Variants in FAM120B observed in about 807,000 individuals in gnomAD.
FAM120B encodes the protein family with sequence similarity 120 member B, also known as constitutive coactivator of peroxisome proliferator-activated receptor gamma.
A neutral mutation model predicts 96.3 loss-of-function variants in FAM120B; 83 were observed. The observed-to-expected ratio is 0.86, with a 90% CI of 0.72 to 1.03. The LOEUF (loss-of-function observed/expected upper bound fraction) is 1.03. Ranked by LOEUF, FAM120B falls within the 50% of genes least tolerant of loss-of-function variation. The probability of loss-of-function intolerance (pLI) is 0.00; values close to 1 mark genes in which losing one functional copy is unlikely to be tolerated. For synonymous variants in FAM120B, 407 were observed against 402.7 expected, an observed-to-expected ratio of 1.01 and a Z score of -0.13; for missense variants, 1,027 against 1,121.2, an observed-to-expected ratio of 0.92 and a Z score of 1.20.
chr6:170,335,682 G>T (rs116381651), intron 4 of FAM120B, among the ~76,000 whole-genome samples: 2,911 of 152,250 alleles, frequency 0.019, 96 homozygotes, highest in African/African-American at 0.067. Flanking sequence ...CAGTGTAAAA[G>T]CATTCCTATT....
intron 1 of FAM120B, among the ~76,000 whole-genome samples, chr6:170,317,108 A>T (rs973200630): frequency 6.6e-6 from 1 of 152,204 alleles, no homozygotes; most frequent in African/African-American, 2.4e-5. Context: ...TTGAATGATA[A>T]TCTTAGTGAA....
At chr6:170,358,101 T>C (rs1472092992) in intron 5 of FAM120B, 125 bp from the exon 6 acceptor site, 4 of 756,014 alleles carry the variant, frequency 5.3e-6, no homozygotes, top group Non-Finnish European at 8.8e-6. Context: ...TGCGTGTGCC[T>C]GTACGTGCCT....
chr6:170,332,825 G>T (rs936296024), intron 4 of FAM120B, among the ~76,000 whole-genome samples: 5 of 152,016 alleles, frequency 3.3e-5, no homozygotes, highest in African/African-American at 1.2e-4. Flanking sequence ...GATTTTCCTT[G>T]TTCTTCTAAG....
rs79821374 is a variant in FAM120B, at chr6:170,316,879, C to G, written c.-21-491C>G. Among the ~76,000 whole-genome samples, 464 of 152,310 alleles carry G rather than the reference C, an allele frequency of 3.0e-3. 1 individual carries two copies. The highest frequency in any genetic ancestry group is 0.01 in the African/African-American group (420 of 41,560). Reference sequence around the variant, plus strand: ...TCTGTTTTCTGTCACTACGGATTAGCATAACTCTTCCTGTACTAGAATTTT... The same window carrying G: ...TCTGTTTTCTGTCACTACGGATTAGGATAACTCTTCCTGTACTAGAATTTT... On this transcript the variant is annotated intron_variant, in intron 1 of 10. Transcript: ENST00000476287.
chr6:170,324,544 A>C (rs1333467978), intron 3 of FAM120B, among the ~76,000 whole-genome samples: 5 of 152,250 alleles, frequency 3.3e-5, no homozygotes, highest in Non-Finnish European at 7.3e-5. Context: ...CTTCCTCATG[A>C]AAACATTTTT....
rs558209973 is a variant in FAM120B, at chr6:170,363,378, G to T, written c.2283+5060G>T. ...AGATTCCCCTGCATGTGGCTGCCTC[G>T]TACCCACCGCTGTCCCTGGTGTGCA... On this transcript the variant is annotated intron_variant, in intron 6 of 10. Coordinates refer to ENST00000476287, the MANE Select transcript of FAM120B (RefSeq NM_032448.3). This position sits in a 1 kb window ranked among gnomAD's most constrained non-coding sequence, Gnocchi z 4.5. Among the ~76,000 whole-genome samples, 1 of 152,238 alleles carries T rather than the reference G, an allele frequency of 6.6e-6. No homozygotes were observed. The highest frequency in any genetic ancestry group is 2.4e-5 in the African/African-American group (1 of 41,462).
intron 5 of FAM120B, among the ~76,000 whole-genome samples, chr6:170,354,909 A>G (rs972828110): frequency 6.6e-6 from 1 of 152,190 alleles, no homozygotes; most frequent in Non-Finnish European, 1.5e-5. Flanking sequence ...AGCCTGGGCA[A>G]TAGAGTGAGA....
chr6:170,362,294 G>T (rs1441302792), intron 6 of FAM120B, among the ~76,000 whole-genome samples: 1 of 152,178 alleles, frequency 6.6e-6, no homozygotes, highest in Non-Finnish European at 1.5e-5. Flanking sequence ...GACATTCAAG[G>T]TTATGGATCA....
At position 170,350,028 on chromosome 6, in the gene FAM120B, G is replaced by A. The variant is rs1258834886; in HGVS notation, c.2190+1705G>A. On this transcript the variant is annotated intron_variant, in intron 5 of 10. Transcript: ENST00000476287. ...ACCCATGTATCAGATCCCTTCATGA[G>A]CCCATACCACCACAGCCTTGAGTCT... Among the ~76,000 whole-genome samples the A allele has an allele frequency of 2.6e-5, 4 of 152,128 alleles. No individual in the cohort carries two copies. In the East Asian group the frequency reaches 5.8e-4, roughly 22 times the overall value.
intron 4 of FAM120B, among the ~76,000 whole-genome samples, chr6:170,347,467 T>C (rs1247673976): frequency 6.6e-6 from 1 of 152,260 alleles, no homozygotes; most frequent in Non-Finnish European, 1.5e-5. Context: ...GTTTTTCTTT[T>C]GATTTTAATA....
chr6:170,349,947 G>A (rs1018756569), intron 5 of FAM120B, among the ~76,000 whole-genome samples: 10 of 152,168 alleles, frequency 6.6e-5, no homozygotes, highest in African/African-American at 1.2e-4. Context: ...AGGGGAAGCC[G>A]TGAGTGATTG....
At chr6:170,356,767 G>T (rs1367155525) in intron 5 of FAM120B, among the ~76,000 whole-genome samples, 1 of 152,160 alleles carries the variant, frequency 6.6e-6, no homozygotes, top group Non-Finnish European at 1.5e-5. Context: ...GGGGTCAACT[G>T]TACTCTCATT....
At chr6:170,307,221 C>G (rs1784346418) in intron 1 of FAM120B, among the ~76,000 whole-genome samples, 2 of 152,222 alleles carry the variant, frequency 1.3e-5, no homozygotes, top group South Asian at 2.1e-4. Flanking sequence ...GAGCTGTTAT[C>G]CTTCGTAGCT....
chr6:170,348,435 T>C, intron 5 of FAM120B, 112 bp downstream of exon 5: 1 of 948,610 alleles, frequency 1.1e-6, no homozygotes, highest in Non-Finnish European at 1.6e-6. Flanking sequence ...CCAATGTCTG[T>C]TCCATGGAAC....
chr6:170,339,284 G>T (rs1044378098), intron 4 of FAM120B, among the ~76,000 whole-genome samples: 1 of 152,052 alleles, frequency 6.6e-6, no homozygotes, highest in African/African-American at 2.4e-5. Flanking sequence ...TATTTGGCTG[G>T]ATATGAAATT....
At chr6:170,362,039 TC>T (rs1319519526) in intron 6 of FAM120B, among the ~76,000 whole-genome samples, 1 of 152,154 alleles carries the variant, frequency 6.6e-6, no homozygotes, top group Non-Finnish European at 1.5e-5. Flanking sequence ...AGTGATCTAC[TC>T]ACCTCAGCCT....
chr6:170,401,690 G>A (rs1778592027), intron 9 of FAM120B, among the ~76,000 whole-genome samples: 1 of 152,180 alleles, frequency 6.6e-6, no homozygotes, highest in South Asian at 2.1e-4. Flanking sequence ...GATCCAGAAT[G>A]CTCCACAGTC....
At chr6:170,301,461 GA>G (rs1160498325) in intron 1 of FAM120B, among the ~76,000 whole-genome samples, 4 of 152,220 alleles carry the variant, frequency 2.6e-5, no homozygotes, top group Non-Finnish European at 5.9e-5. Context: ...ACATACCCTG[GA>G]GACATTTTCC....
At position 170,318,179 on chromosome 6, in the gene FAM120B, C is replaced by T. The variant is rs940541513; in HGVS notation, c.789C>T (p.Ile263=). 9.3e-6 allele frequency: 15 copies of T among 1,614,154 alleles called. No individual in the cohort carries two copies. Among genetic ancestry groups the T allele is most frequent in the Non-Finnish European group, 1.3e-5 (15 of 1,180,010 alleles). Residue 263 remains isoleucine (I), a synonymous_variant, in exon 2 of 11, where the codon ATC becomes ATT. Transcript: ENST00000476287. ...AGAACTTTGACAAAAAAGGTAACATCATATTAGCTGTGTCAGACCATATAT... is the reference window on the plus strand; with the variant it reads ...AGAACTTTGACAAAAAAGGTAACATTATATTAGCTGTGTCAGACCATATAT... The part of the protein sequence containing the change: ...VKENFDKKGN[I]ILAVSDHISK...
Sources: gnomAD v4.1 joint callset for allele counts (sites outside exome capture counted in the v4.1 genomes callset) on GRCh38, gnomAD v4.1.1 for gene constraint, Gnocchi (gnomAD v3.1) non-coding constraint, MANE v1.5 for transcripts, NCBI Gene and HGNC (gene_info 2026-07-23, HGNC 2026-07-21) for gene names.